LPP: variants seen among roughly 807,000 people sequenced by gnomAD.
The protein encoded by LPP is LIM domain containing preferred translocation partner in lipoma, also known as lipoma-preferred partner.
In LPP, 38 loss-of-function variants were observed where a neutral mutation model predicts 60.4. That is an observed-to-expected ratio of 0.63 (90% confidence interval 0.49 to 0.83). The LOEUF (loss-of-function observed/expected upper bound fraction) is 0.83. LPP is among the 40% of genes least tolerant of loss of function. LPP has a pLI of 0.00. For synonymous variants in LPP, 328 were observed against 290.8 expected, an observed-to-expected ratio of 1.13 and a Z score of -1.30; for missense variants, 902 against 783.6, an observed-to-expected ratio of 1.15 and a Z score of -1.80.
intron 7 of LPP, among the ~76,000 whole-genome samples, chr3:188,615,579 G>T (rs1844684206): frequency 6.6e-6 from 1 of 152,134 alleles, no homozygotes. Context: ...TTTAGCAGAG[G>T]TTTATTGAAC....
intron 2 of LPP, chr3:188,240,226 T>A (rs1723580654): frequency 5.7e-6 from 1 of 176,954 alleles, no homozygotes; most frequent in African/African-American, 2.4e-5. Context: ...AATTTAAAAA[T>A]CCTTTTGGTA....
At chr3:188,379,558 C>T (rs190087427) in intron 3 of LPP, among the ~76,000 whole-genome samples, 11 of 152,228 alleles carry the variant, frequency 7.2e-5, no homozygotes, top group Admixed American at 2.0e-4. Flanking sequence ...ACATAGTGGT[C>T]GTTTCTTATT....
chr3:188,293,696 G>T (rs1340883156), intron 2 of LPP, among the ~76,000 whole-genome samples: 1 of 152,168 alleles, frequency 6.6e-6, no homozygotes, highest in Non-Finnish European at 1.5e-5. Context: ...ATATTGTTCA[G>T]CAGTGAAAGG....
intron 7 of LPP, among the ~76,000 whole-genome samples, chr3:188,679,840 A>G (rs1190171666): frequency 1.3e-5 from 2 of 152,138 alleles, no homozygotes; most frequent in East Asian, 1.9e-4. Context: ...CACCATGACC[A>G]TCTATTGTTA....
At chr3:188,587,971 T>A (rs1837851413) in intron 6 of LPP, among the ~76,000 whole-genome samples, 1 of 152,234 alleles carries the variant, frequency 6.6e-6, no homozygotes, top group South Asian at 2.1e-4. Context: ...ATGCATCTGG[T>A]TCTGTGGTCA....
Position 188,406,213 on chromosome 3 carries a change from C to A in LPP, c.93C>A (p.Asn31Lys). 1 of 1,614,160 alleles carries A rather than the reference C, an allele frequency of 6.2e-7. No individual in the cohort carries two copies. Among genetic ancestry groups the A allele is most frequent in the Non-Finnish European group, 8.5e-7 (1 of 1,179,992 alleles). ...TGGAGACCACCCATTCCTTTGGGAA[C>A]CCCAGCATTTCAGTGTCTACACAAC... ...ARMETTHSFG[N>K]PSISVSTQQP... The change falls in exon 4 of 12, where the codon AAC (asparagine) becomes AAA (lysine). Residue 31 changes from asparagine (N) to lysine (K), a missense_variant. Transcript: ENST00000617246.
intron 7 of LPP, among the ~76,000 whole-genome samples, chr3:188,626,379 G>T (rs1341100655): frequency 6.6e-6 from 1 of 151,402 alleles, no homozygotes; most frequent in African/African-American, 2.5e-5. Context: ...TACGTGTATA[G>T]CATATCATAT....
intron 2 of LPP, among the ~76,000 whole-genome samples, chr3:188,303,049 C>T (rs1361312187): frequency 6.6e-5 from 10 of 152,146 alleles, no homozygotes; most frequent in Admixed American, 2.6e-4. Context: ...CTGCCTACTA[C>T]GTACTCAACA....
At chr3:188,450,888 A>G (rs1796437226) in intron 4 of LPP, among the ~76,000 whole-genome samples, 1 of 152,190 alleles carries the variant, frequency 6.6e-6, no homozygotes, top group Non-Finnish European at 1.5e-5. Flanking sequence ...AGGTAGTCAT[A>G]TACCTCCAAC....
intron 4 of LPP, among the ~76,000 whole-genome samples, chr3:188,418,546 A>C (rs561131292): frequency 4.6e-5 from 7 of 152,334 alleles, no homozygotes; most frequent in African/African-American, 1.7e-4. Flanking sequence ...GTTCCTCAGC[A>C]GTACACTGTA....
At chr3:188,452,012 C>T (rs917913444) in intron 4 of LPP, among the ~76,000 whole-genome samples, 4 of 152,164 alleles carry the variant, frequency 2.6e-5, no homozygotes, top group Admixed American at 2.6e-4. Flanking sequence ...ACACTCATCT[C>T]CCTTGGTTTG....
At chr3:188,494,397 T>C (rs538335938) in intron 5 of LPP, among the ~76,000 whole-genome samples, 2 of 152,324 alleles carry the variant, frequency 1.3e-5, no homozygotes, top group South Asian at 2.1e-4. Flanking sequence ...ACTTTGCTTC[T>C]CAATGACACA....
At chr3:188,480,018 TCTGA>T (rs961363671) in intron 4 of LPP, among the ~76,000 whole-genome samples, 46 of 152,200 alleles carry the variant, frequency 3.0e-4, no homozygotes, top group African/African-American at 1.1e-3. Flanking sequence ...GCCTTTCGTA[TCTGA>T]CTGACGCAAG....
intron 6 of LPP, among the ~76,000 whole-genome samples, chr3:188,600,715 TTC>T (rs1840979407): frequency 6.6e-6 from 1 of 152,132 alleles, no homozygotes; most frequent in Non-Finnish European, 1.5e-5. Context: ...ACATTCTTCC[TTC>T]TCCCATCCCA....
At chr3:188,769,047 A>G (rs1346452248) in intron 9 of LPP, among the ~76,000 whole-genome samples, 2 of 152,204 alleles carry the variant, frequency 1.3e-5, no homozygotes, top group African/African-American at 4.8e-5. Context: ...TATAAAAATG[A>G]CAATTTTAGG....
chr3:188,847,669 C>T (rs77182201), intron 9 of LPP, among the ~76,000 whole-genome samples: 1 of 152,118 alleles, frequency 6.6e-6, no homozygotes, highest in Non-Finnish European at 1.5e-5. Context: ...ATCTTGAACT[C>T]TTAACAGGTT....
Position 188,597,680 on chromosome 3 carries a change from G to T in LPP, c.430-11481G>T, listed in dbSNP as rs151024362. Reference sequence around the variant, plus strand: ...TAGATGAATGGTGCACAAAACTGATGGGGGATGGGAAGTGTGGGCAATTCT... The same window carrying T: ...TAGATGAATGGTGCACAAAACTGATTGGGGATGGGAAGTGTGGGCAATTCT... On this transcript the variant is annotated intron_variant, in intron 6 of 11. Coordinates refer to ENST00000617246, the MANE Select transcript of LPP (RefSeq NM_001375462.1). 3.3e-3 allele frequency among the ~76,000 whole-genome samples: 505 copies of T among 152,160 alleles called. 3 individuals are homozygous for T. The highest frequency in any genetic ancestry group is 0.012 in the African/African-American group (488 of 41,520).
At chr3:188,250,736 TTC>T (rs1439901236) in intron 2 of LPP, among the ~76,000 whole-genome samples, 14 of 81,764 alleles carry the variant, frequency 1.7e-4, no homozygotes, top group East Asian at 1.7e-3. Flanking sequence ...CTTTCTTTCT[TTC>T]TTTCTTTCTT....
chr3:188,764,440 A>G (rs1225966358), intron 9 of LPP, among the ~76,000 whole-genome samples: 2 of 152,088 alleles, frequency 1.3e-5, no homozygotes, highest in Non-Finnish European at 2.9e-5. Flanking sequence ...GTATAATGTG[A>G]TACACTATAG....
Sources: gnomAD v4.1 joint callset for allele counts (sites outside exome capture counted in the v4.1 genomes callset) on GRCh38, gnomAD v4.1.1 for gene constraint, MANE v1.5 for transcripts, NCBI Gene and HGNC (gene_info 2026-07-23, HGNC 2026-07-21) for gene names.